The following IL15 variants were observed in gnomAD, a reference collection of about 807,000 sequenced individuals.
IL15 encodes interleukin 15.
IL15 carries 11 observed loss-of-function variants against 19.6 expected under a neutral mutation model. The observed-to-expected ratio is 0.56, with a 90% confidence interval of 0.35 to 0.93. The LOEUF is 0.93. Among genes scored for constraint, IL15 ranks in the 40% least tolerant of loss-of-function variants. The pLI is 0.01. For synonymous variants in IL15, 58 were observed against 59.6 expected, an observed-to-expected ratio of 0.97 and a Z score of 0.12; for missense variants, 197 against 186.5, an observed-to-expected ratio of 1.06 and a Z score of -0.33.
At chr4:141,648,069 T>C (rs1356698868) in intron 1 of IL15, among the ~76,000 whole-genome samples, 1 of 152,048 alleles carries the variant, frequency 6.6e-6, no homozygotes, top group Non-Finnish European at 1.5e-5. Context: ...CCAACATATA[T>C]TCCTGAGGGG....
intron 2 of IL15, among the ~76,000 whole-genome samples, chr4:141,682,280 T>A (rs969890098): frequency 3.3e-5 from 5 of 152,204 alleles, no homozygotes; most frequent in African/African-American, 1.2e-4. Context: ...TCTCCTTAAA[T>A]TAAAATTTGT....
chr4:141,689,600 T>G (rs541376238), intron 2 of IL15, among the ~76,000 whole-genome samples: 39 of 151,742 alleles, frequency 2.6e-4, no homozygotes, highest in Non-Finnish European at 4.7e-4. Flanking sequence ...ATAAAGGTTC[T>G]CCAAGGCCCC....
rs142909979 is a variant in IL15 at position 141,673,766 on chromosome 4, C to T, written c.-100+17459C>T. On this transcript the variant is annotated intron_variant, in intron 2 of 7. Coordinates refer to ENST00000320650, the MANE Select transcript of IL15 (RefSeq NM_000585.5). The stretch of plus-strand genomic sequence containing the variant: ...TAAACTACTTTATTCATTCTGACAG[C>T]AGTAGCATAGATTTCATTCTTTTTA... Among the ~76,000 whole-genome samples, 286 of 152,284 alleles carry T rather than the reference C, an allele frequency of 1.9e-3. 1 individual carries two copies. Among genetic ancestry groups the T allele is most frequent in the Non-Finnish European group, 2.9e-3 (200 of 68,010 alleles).
rs113525420 is a variant in IL15 at position 141,701,436 on chromosome 4, T to C, written c.-99-17930T>C. On this transcript the variant is annotated intron_variant, in intron 2 of 7. Transcript: ENST00000320650. Reference sequence around the variant, plus strand: ...CGTTGTGTGTTGGTTTTTCCAAATGTTGTTTGTAGTAGTTATGTACTTGTT... The same window carrying C: ...CGTTGTGTGTTGGTTTTTCCAAATGCTGTTTGTAGTAGTTATGTACTTGTT... 5.4e-3 allele frequency among the ~76,000 whole-genome samples: 816 copies of C among 152,300 alleles called. 16 individuals carry two copies. Among genetic ancestry groups the C allele is most frequent in the African/African-American group, 0.019 (791 of 41,552 alleles).
chr4:141,699,249 T>C (rs987196532), intron 2 of IL15, among the ~76,000 whole-genome samples: 5 of 152,222 alleles, frequency 3.3e-5, no homozygotes, highest in Non-Finnish European at 5.9e-5. Context: ...TGGTTTATCA[T>C]ATGGTCTATC....
rs552595516 is a variant in IL15, at chr4:141,703,803, G to A, written c.-99-15563G>A. 6.1e-5 allele frequency among the ~76,000 whole-genome samples: 9 copies of A among 147,446 alleles called. No individual in the cohort carries two copies. The East Asian group carries it at 9.9e-4, about 16-fold the overall frequency. ...TGGTTAAGTTTATTTCTAGGTATTC[G>A]ATTTTTTTAATTTTTTGTAGCCATT... On this transcript the variant is annotated intron_variant, in intron 2 of 7. Transcript: ENST00000320650.
intron 2 of IL15, among the ~76,000 whole-genome samples, chr4:141,705,749 G>T (rs1380572823): frequency 6.6e-6 from 1 of 151,826 alleles, no homozygotes; most frequent in African/African-American, 2.4e-5. Flanking sequence ...TAGATATCTG[G>T]GTGCTCTGGT....
chr4:141,662,695 T>C (rs1159167557), intron 2 of IL15, among the ~76,000 whole-genome samples: 1 of 152,222 alleles, frequency 6.6e-6, no homozygotes, highest in Non-Finnish European at 1.5e-5. Context: ...GTATTTGTGT[T>C]TGTATTCATC....
chr4:141,655,376 GA>G lies in IL15; in HGVS notation c.-221-799del, dbSNP rs772979471. Among the ~76,000 whole-genome samples, 1,228 of 140,882 alleles carry G rather than the reference GA, an allele frequency of 8.7e-3. 7 individuals carry two copies. The highest frequency in any genetic ancestry group is 0.017 in the African/African-American group (667 of 38,692). The allele number at this position is 140,882 out of a possible 152,430, so 92.4% of individuals were successfully genotyped here. A position where few individuals can be genotyped will look rare whatever the true frequency, so the allele number is the denominator to read the frequency against. Reference sequence around the variant, plus strand: ...CATGATGCAGAGAAAAAAGCAAAAAGAAAAAAAAAAACAATTCTAAGATTGG... The same window carrying G: ...CATGATGCAGAGAAAAAAGCAAAAAGAAAAAAAAAACAATTCTAAGATTGG... On this transcript the variant is annotated intron_variant, in intron 1 of 7. Coordinates refer to ENST00000320650, the MANE Select transcript of IL15 (RefSeq NM_000585.5).
intron 2 of IL15, among the ~76,000 whole-genome samples, chr4:141,703,846 T>C (rs1729418119): frequency 6.6e-6 from 1 of 152,302 alleles, no homozygotes; most frequent in African/African-American, 2.4e-5. Context: ...GGATCCCTTT[T>C]TGATTTCCAT....
At chr4:141,662,199 A>T (rs1939629385) in intron 2 of IL15, among the ~76,000 whole-genome samples, 1 of 152,236 alleles carries the variant, frequency 6.6e-6, no homozygotes, top group South Asian at 2.1e-4. Context: ...TGCACCTTAG[A>T]GAACAGGTAG....
intron 1 of IL15, among the ~76,000 whole-genome samples, chr4:141,649,781 A>G (rs571004559): frequency 6.6e-6 from 1 of 152,186 alleles, no homozygotes; most frequent in South Asian, 2.1e-4. Flanking sequence ...GATTGTCTGG[A>G]TGGCTCAACA....
At position 141,727,186 on chromosome 4, in the gene IL15, A is replaced by G. The variant is rs144650158; in HGVS notation, c.196-754A>G. 4.2e-3 allele frequency among the ~76,000 whole-genome samples: 637 copies of G among 152,246 alleles called. 1 individual carries two copies. Among genetic ancestry groups the G allele is most frequent in the South Asian group, 8.3e-3 (40 of 4,828 alleles). The stretch of plus-strand genomic sequence containing the variant: ...TACAACACAAATAATGAGCCCTAAT[A>G]TTCTGTACACTTAAGATCATAATAG... On this transcript the variant is annotated intron_variant, in intron 5 of 7. Transcript: ENST00000320650.
intron 4 of IL15, chr4:141,721,683 C>T (rs1730086551): frequency 3.7e-6 from 2 of 545,444 alleles, no homozygotes; most frequent in South Asian, 4.1e-5. Context: ...TAAAGTATGC[C>T]TACAGTTAGG....
At chr4:141,660,518 G>A (rs893157206) in intron 2 of IL15, among the ~76,000 whole-genome samples, 1 of 152,182 alleles carries the variant, frequency 6.6e-6, no homozygotes, top group African/African-American at 2.4e-5. Flanking sequence ...TTAAAGTGGG[G>A]AAAATATCAC....
At position 141,679,544 on chromosome 4, in the gene IL15, CTCTT is replaced by C. The variant is rs567791202; in HGVS notation, c.-100+23243_-100+23246del. ...TGATCTCAAAGGTGTTCCTTTTATTCTCTTTCTTTTATTTAACCAGAAATATCTT... is the reference window on the plus strand; with the variant it reads ...TGATCTCAAAGGTGTTCCTTTTATTCTCTTTTATTTAACCAGAAATATCTT... On this transcript the variant is annotated intron_variant, in intron 2 of 7. Transcript: ENST00000320650. Among the ~76,000 whole-genome samples the C allele has an allele frequency of 9.2e-5, 14 of 152,124 alleles. No individual in the cohort carries two copies. In the South Asian group the frequency reaches 1.9e-3, roughly 20 times the overall value.
chr4:141,663,069 T>A (rs1727846453), intron 2 of IL15, among the ~76,000 whole-genome samples: 1 of 152,090 alleles, frequency 6.6e-6, no homozygotes, highest in African/African-American at 2.4e-5. Flanking sequence ...AATATCATGA[T>A]CAAGTAGGGT....
At chr4:141,709,592 G>A (rs1346722589) in intron 2 of IL15, among the ~76,000 whole-genome samples, 1 of 151,974 alleles carries the variant, frequency 6.6e-6, no homozygotes, top group Non-Finnish European at 1.5e-5. Flanking sequence ...TAGTTTACTG[G>A]CATATCAATG....
intron 1 of IL15, among the ~76,000 whole-genome samples, chr4:141,651,319 C>A (rs1300395728): frequency 6.6e-6 from 1 of 151,930 alleles, no homozygotes; most frequent in Non-Finnish European, 1.5e-5. Context: ...TCAAGTGAAA[C>A]AAATCAAAAC....
Sources: gnomAD v4.1 joint callset for allele counts (sites outside exome capture counted in the v4.1 genomes callset) on GRCh38, gnomAD v4.1.1 for gene constraint, MANE v1.5 for transcripts, NCBI Gene and HGNC (gene_info 2026-07-23, HGNC 2026-07-21) for gene names.